The following IFT88 variants were observed in gnomAD, a reference collection of about 807,000 sequenced individuals.
IFT88 encodes intraflagellar transport protein 88 homolog.
In IFT88, 74 loss-of-function variants were observed where a neutral mutation model predicts 119.5. That is an observed-to-expected ratio of 0.62 (90% CI 0.51 to 0.75). IFT88 has a LOEUF of 0.75. IFT88 is among the 30% of genes least tolerant of loss of function. The pLI is 0.00. For synonymous variants in IFT88, 279 were observed against 316.7 expected, an observed-to-expected ratio of 0.88 and a Z score of 1.26; for missense variants, 961 against 977.7, an observed-to-expected ratio of 0.98 and a Z score of 0.23.
At chr13:20,667,358 G>A (rs1043049275) in intron 23 of IFT88, among the ~76,000 whole-genome samples, 1 of 152,146 alleles carries the variant, frequency 6.6e-6, no homozygotes, top group African/African-American at 2.4e-5. Context: ...ATGTACCCAT[G>A]CCTGTGCTAG....
intron 13 of IFT88, among the ~76,000 whole-genome samples, chr13:20,608,410 T>A (rs537484173): frequency 5.8e-4 from 89 of 152,320 alleles, no homozygotes; most frequent in African/African-American, 2.0e-3. Context: ...GAGACTGTCA[T>A]CTGAGGGCCG....
rs185699568 is a variant in IFT88, at chr13:20,625,625, G to A, written c.1200-125G>A. ...GAAAACCTGTGTTGGAGCAAATCGA[G>A]TGCTTACCTTTACAGAGTACTAGGG... is the stretch of plus-strand genomic sequence containing the variant. On this transcript the variant is annotated intron_variant, in intron 14 of 25. Transcript: ENST00000351808. The A allele has an allele frequency of 1.9e-5, 11 of 578,910 alleles. No individual in the cohort carries two copies. In the Admixed American group the frequency reaches 3.1e-4, roughly 16 times the overall value. 35.9% of individuals were successfully genotyped at this position (578,910 alleles called of 1,614,324 possible).
At chr13:20,620,123 G>A (rs948647281) in intron 14 of IFT88, among the ~76,000 whole-genome samples, 1 of 151,998 alleles carries the variant, frequency 6.6e-6, no homozygotes, top group Non-Finnish European at 1.5e-5. Flanking sequence ...TTCTTCTAGA[G>A]GTTTTACCTT....
chr13:20,609,697 T>G (rs530992979), intron 13 of IFT88, among the ~76,000 whole-genome samples: 1 of 152,028 alleles, frequency 6.6e-6, no homozygotes, highest in East Asian at 1.9e-4. Flanking sequence ...TGAGCCGAGA[T>G]CATGCCACTA....
At chr13:20,621,219 A>G (rs1230776733) in intron 14 of IFT88, among the ~76,000 whole-genome samples, 2 of 152,064 alleles carry the variant, frequency 1.3e-5, no homozygotes, top group Non-Finnish European at 2.9e-5. Flanking sequence ...GGCACACACC[A>G]CCACACCTAG....
chr13:20,628,408 A>T, intron 15 of IFT88, among the ~76,000 whole-genome samples: 1 of 152,228 alleles, frequency 6.6e-6, no homozygotes, highest in East Asian at 1.9e-4. Flanking sequence ...ACCAGGACAG[A>T]CATAGATCCC....
At chr13:20,599,940 A>T (rs1316975865) in intron 11 of IFT88, among the ~76,000 whole-genome samples, 1 of 151,860 alleles carries the variant, frequency 6.6e-6, no homozygotes, top group East Asian at 1.9e-4. Context: ...TGAGAATGAA[A>T]TAGAGAAAAG....
At chr13:20,592,249 T>C (rs1198491758) in intron 6 of IFT88, 86 bp from the exon 7 acceptor site, 3 of 940,856 alleles carry the variant, frequency 3.2e-6, no homozygotes, top group Admixed American at 2.3e-5. Flanking sequence ...GTAAATGAAA[T>C]AGCTTATGCG....
At chr13:20,683,845 C>CGTAT in intron 24 of IFT88, among the ~76,000 whole-genome samples, 1 of 152,182 alleles carries the variant, frequency 6.6e-6, no homozygotes, top group Non-Finnish European at 1.5e-5. Context: ...CTGTGCTATA[C>CGTAT]GCTCTCCTGG....
chr13:20,679,926 T>C (rs2057128383), intron 24 of IFT88, among the ~76,000 whole-genome samples: 1 of 152,238 alleles, frequency 6.6e-6, no homozygotes, highest in Non-Finnish European at 1.5e-5. Flanking sequence ...ACCATCTGAT[T>C]ATTTTGTTTA....
At chr13:20,568,469 C>G (rs979379607) in intron 1 of IFT88, among the ~76,000 whole-genome samples, 5 of 152,232 alleles carry the variant, frequency 3.3e-5, no homozygotes, top group African/African-American at 1.2e-4. Flanking sequence ...TTTTAAAAAT[C>G]TGGTTACAAC....
intron 2 of IFT88, 82 bp downstream of exon 2, chr13:20,574,557 T>C (rs2037006983): frequency 6.0e-6 from 4 of 670,078 alleles, no homozygotes; most frequent in Middle Eastern, 5.3e-4. Flanking sequence ...AGTTCTACTT[T>C]ATTATGCTTT....
intron 14 of IFT88, among the ~76,000 whole-genome samples, chr13:20,616,614 A>T (rs1310973892): frequency 6.6e-6 from 1 of 152,222 alleles, no homozygotes; most frequent in Non-Finnish European, 1.5e-5. Context: ...ATATTTGCAC[A>T]ATGATGAAAT....
rs1282180685 is a variant in IFT88 at position 20,589,848 on chromosome 13, C to T, written c.191C>T (p.Pro64Leu). 1.9e-6 allele frequency: 3 copies of T among 1,596,608 alleles called. No individual in the cohort carries two copies. Among genetic ancestry groups the T allele is most frequent in the African/African-American group, 1.3e-5 (1 of 74,668 alleles). Residue 64 changes from proline (P) to leucine (L), a missense_variant, in exon 4 of 26, where the codon CCT becomes CTT. Pro to Leu is a moderately conservative substitution (Grantham distance 98, BLOSUM62 -3). Coordinates refer to ENST00000351808, the MANE Select transcript of IFT88 (RefSeq NM_006531.5). ...ATATCAAGCACGGCAGTTACTAGAC[C>T]TATAGCTACTGGATATGGGGTAGGT... Reference protein sequence around the residue: ...AKISSTAVTRPIATGYGSKTS... With the variant: ...AKISSTAVTRLIATGYGSKTS...
chr13:20,574,323 A>AAT (rs138700689), intron 1 of IFT88, 57 bp from the exon 2 acceptor site: 375 of 914,630 alleles, frequency 4.1e-4, no homozygotes, highest in South Asian at 1.2e-3. Context: ...TATCTCAAAA[A>AAT]ATATATATAT....
intron 14 of IFT88, among the ~76,000 whole-genome samples, chr13:20,617,849 A>G (rs557123820): frequency 3.9e-5 from 6 of 152,228 alleles, no homozygotes; most frequent in African/African-American, 1.4e-4. Context: ...GCTGGAGCGC[A>G]GTAGTGTGAT....
intron 13 of IFT88, among the ~76,000 whole-genome samples, chr13:20,614,756 A>C (rs1436529893): frequency 6.6e-6 from 1 of 152,196 alleles, no homozygotes; most frequent in African/African-American, 2.4e-5. Flanking sequence ...GTCTCAAAAT[A>C]AAGTTCAAAA....
At position 20,653,592 on chromosome 13, in the gene IFT88, G is replaced by A. The variant is rs2052181190; in HGVS notation, c.1950-284G>A. Among the ~76,000 whole-genome samples the A allele has an allele frequency of 2.8e-5, 4 of 143,812 alleles. No homozygotes were observed. The South Asian group carries it at 1.0e-3, about 38-fold the overall frequency. The allele number at this position is 143,812 out of a possible 152,430, so 94.3% of individuals were successfully genotyped here. On this transcript the variant is annotated intron_variant, in intron 20 of 25. Transcript: ENST00000351808. ...AAAGTAATGATCCTTTAAGTTTAAA[G>A]TAGAATGCAGTGGGTTTTAACCAAA... is the stretch of plus-strand genomic sequence containing the variant.
At chr13:20,573,948 A>G (rs1179331030) in intron 1 of IFT88, among the ~76,000 whole-genome samples, 2 of 152,214 alleles carry the variant, frequency 1.3e-5, no homozygotes, top group Non-Finnish European at 2.9e-5. Flanking sequence ...TGGGAATTTG[A>G]TGTGAAAAAA....
Sources: gnomAD v4.1 joint callset for allele counts (sites outside exome capture counted in the v4.1 genomes callset) on GRCh38, gnomAD v4.1.1 for gene constraint, MANE v1.5 for transcripts, NCBI Gene and HGNC (gene_info 2026-07-23, HGNC 2026-07-21) for gene names.